The following ZNF804B variants were observed in gnomAD, a reference collection of about 807,000 sequenced individuals.
The protein encoded by ZNF804B is zinc finger protein 804B, also known as zinc finger 804B.
In ZNF804B, 80 loss-of-function variants were observed where a neutral mutation model predicts 101.4. That is an observed-to-expected ratio of 0.79 (90% CI 0.66 to 0.95). The LOEUF (loss-of-function observed/expected upper bound fraction) is 0.95, where lower values mean the gene tolerates loss of function less well. Ranked by LOEUF, ZNF804B falls within the 40% of genes least tolerant of loss-of-function variation. The probability of loss-of-function intolerance (pLI) is 0.00; values close to 1 mark genes in which losing one functional copy is unlikely to be tolerated. For synonymous variants in ZNF804B, 622 were observed against 558.8 expected (o/e 1.11, Z -1.59); for missense variants, 1,673 against 1,561.9 (o/e 1.07, Z -1.20).
intron 1 of ZNF804B, among the ~76,000 whole-genome samples, chr7:88,918,469 A>T (rs1023588520): frequency 2.0e-5 from 3 of 152,120 alleles, no homozygotes; most frequent in Admixed American, 2.0e-4. Context: ...CTATCTGTTG[A>T]GAGTGTCTTG....
chr7:88,803,561 G>T (rs1266618175), intron 1 of ZNF804B, among the ~76,000 whole-genome samples: 1 of 152,124 alleles, frequency 6.6e-6, no homozygotes, highest in Admixed American at 6.6e-5. Flanking sequence ...CACTGGATAT[G>T]GGAGGTTAGG....
At chr7:89,169,408 GC>G (rs111280558) in intron 1 of ZNF804B, among the ~76,000 whole-genome samples, 3 of 152,092 alleles carry the variant, frequency 2.0e-5, no homozygotes, top group African/African-American at 7.2e-5. Flanking sequence ...TTTACCTCCT[GC>G]TTTTAGCCTA....
At chr7:89,330,922 C>T (rs1367498915) in intron 3 of ZNF804B, among the ~76,000 whole-genome samples, 2 of 150,834 alleles carry the variant, frequency 1.3e-5, no homozygotes, top group Non-Finnish European at 3.0e-5. Context: ...CAGAAAAGAA[C>T]ATTTAGATTA....
At chr7:89,292,374 A>T (rs1790310249) in intron 2 of ZNF804B, among the ~76,000 whole-genome samples, 1 of 152,130 alleles carries the variant, frequency 6.6e-6, no homozygotes, top group Admixed American at 6.5e-5. Context: ...ATAAGATATA[A>T]ATAGAAACAA....
At chr7:88,780,925 C>G (rs1005461246) in intron 1 of ZNF804B, among the ~76,000 whole-genome samples, 1 of 152,156 alleles carries the variant, frequency 6.6e-6, no homozygotes, top group South Asian at 2.1e-4. Flanking sequence ...TTATAATGTA[C>G]TAATTCTGTT....
intron 2 of ZNF804B, among the ~76,000 whole-genome samples, chr7:89,295,743 A>G (rs565635020): frequency 1.1e-4 from 17 of 152,248 alleles, no homozygotes; most frequent in African/African-American, 4.1e-4. Context: ...CTTTAATGTG[A>G]AGTCAATCTA....
chr7:88,823,069 G>A (rs1791005614), intron 1 of ZNF804B, among the ~76,000 whole-genome samples: 1 of 152,102 alleles, frequency 6.6e-6, no homozygotes, highest in Non-Finnish European at 1.5e-5. Context: ...AATTAGCCTG[G>A]CGTAGTGGCA....
intron 1 of ZNF804B, among the ~76,000 whole-genome samples, chr7:88,968,327 C>G (rs1176915602): frequency 6.6e-6 from 1 of 151,422 alleles, no homozygotes; most frequent in Non-Finnish European, 1.5e-5. Context: ...TTGTACCTTC[C>G]CTGATACGGA....
At chr7:88,895,532 C>A (rs1443662595) in intron 1 of ZNF804B, among the ~76,000 whole-genome samples, 1 of 152,038 alleles carries the variant, frequency 6.6e-6, no homozygotes, top group East Asian at 1.9e-4. Context: ...GCGATGATAC[C>A]CCATTAGCAA....
At chr7:88,859,151 T>A (rs997280350) in intron 1 of ZNF804B, among the ~76,000 whole-genome samples, 1 of 152,000 alleles carries the variant, frequency 6.6e-6, no homozygotes, top group Non-Finnish European at 1.5e-5. Flanking sequence ...TGAATAAGAA[T>A]GAGGAATTTT....
intron 2 of ZNF804B, among the ~76,000 whole-genome samples, chr7:89,244,805 A>G (rs1245142154): frequency 2.0e-5 from 3 of 152,172 alleles, no homozygotes; most frequent in Non-Finnish European, 2.9e-5. Flanking sequence ...AACCTTGTCC[A>G]TCATCCATAG....
At chr7:89,192,467 G>A (rs1282874236) in intron 1 of ZNF804B, among the ~76,000 whole-genome samples, 1 of 151,812 alleles carries the variant, frequency 6.6e-6, no homozygotes, top group Non-Finnish European at 1.5e-5. Flanking sequence ...AAAAAAAAAA[G>A]CTAAGTGAAG....
chr7:89,065,492 A>G (rs1374661119), intron 1 of ZNF804B, among the ~76,000 whole-genome samples: 1 of 152,100 alleles, frequency 6.6e-6, no homozygotes, highest in African/African-American at 2.4e-5. Context: ...CCTCACCAGT[A>G]TGGGACCCCT....
At chr7:88,882,423 G>A (rs910320748) in intron 1 of ZNF804B, among the ~76,000 whole-genome samples, 3 of 152,146 alleles carry the variant, frequency 2.0e-5, no homozygotes, top group Non-Finnish European at 4.4e-5. Flanking sequence ...CACTGATGGT[G>A]GGAATGTAAA....
intron 1 of ZNF804B, among the ~76,000 whole-genome samples, chr7:88,790,334 G>A (rs1208710265): frequency 6.6e-6 from 1 of 152,066 alleles, no homozygotes; most frequent in East Asian, 1.9e-4. Context: ...GTAGGTAAAT[G>A]TATGCCATGG....
chr7:88,970,131 CAA>C (rs147821674), intron 1 of ZNF804B, among the ~76,000 whole-genome samples: 1 of 151,490 alleles, frequency 6.6e-6, no homozygotes, highest in Non-Finnish European at 1.5e-5. Flanking sequence ...AGTAATTGTG[CAA>C]AGTCTATGCT....
chr7:89,287,457 G>T (rs147327232), intron 2 of ZNF804B, among the ~76,000 whole-genome samples: 207 of 152,242 alleles, frequency 1.4e-3, no homozygotes, highest in Middle Eastern at 6.8e-3. Context: ...GAAGGTTGTG[G>T]TGCCAAAAAA....
intron 1 of ZNF804B, among the ~76,000 whole-genome samples, chr7:88,852,810 T>C (rs1791466758): frequency 6.6e-6 from 1 of 152,134 alleles, no homozygotes; most frequent in African/African-American, 2.4e-5. Context: ...TGATGGAGTT[T>C]TGATTCAATG....
rs554473973 is a variant in ZNF804B, at chr7:88,759,776, C to A, written c.-201C>A. ...CTCTGTGCTGTCGCCGCCGCCGCCT[C>A]TGTCAGAGCAGCAGCTGTCGGCAGC... is the stretch of plus-strand genomic sequence containing the variant. On this transcript the variant is annotated 5_prime_UTR_variant, in exon 1 of 4. In the 5' UTR this introduces an upstream ATG that the reference lacks. Coordinates refer to ENST00000333190, the MANE Select transcript of ZNF804B (RefSeq NM_181646.5). 1.9e-4 allele frequency: 111 copies of A among 590,262 alleles called. No homozygotes were observed. Among genetic ancestry groups the A allele is most frequent in the African/African-American group, 1.8e-3 (96 of 53,592 alleles). The allele number at this position is 590,262 out of a possible 1,614,324, so 36.6% of individuals were successfully genotyped here.
Sources: allele counts gnomAD v4.1 joint callset (sites outside exome capture counted in the v4.1 genomes callset), GRCh38; gene constraint gnomAD v4.1.1; transcripts MANE v1.5; gene names NCBI Gene and HGNC (gene_info 2026-07-23, HGNC 2026-07-21).